Variants in MED27 observed in about 807,000 individuals in gnomAD.
MED27 encodes the protein mediator of RNA polymerase II transcription subunit 27.
Under a neutral mutation model 38.2 loss-of-function variants are expected in MED27, and 30 were observed. The observed-to-expected ratio is 0.79, with a 90% confidence interval of 0.59 to 1.07. The LOEUF is 1.07. MED27 is among the 50% of genes least tolerant of loss of function. MED27 has a pLI of 0.00. For missense variants in MED27, 289 were observed against 397.5 expected, an observed-to-expected ratio of 0.73 and a Z score of 2.32; for synonymous variants, 122 against 153.5, an observed-to-expected ratio of 0.79 and a Z score of 1.52.
At chr9:131,973,167 C>G (rs1831518935) in intron 3 of MED27, among the ~76,000 whole-genome samples, 1 of 152,166 alleles carries the variant, frequency 6.6e-6, no homozygotes, top group Non-Finnish European at 1.5e-5. Context: ...TTTTAACTTT[C>G]TAGTACACTT....
At chr9:131,875,621 A>C (rs1163124724) in intron 6 of MED27, among the ~76,000 whole-genome samples, 1 of 152,160 alleles carries the variant, frequency 6.6e-6, no homozygotes, top group Non-Finnish European at 1.5e-5. Flanking sequence ...CAAGACATTC[A>C]CCTTACACTT....
chr9:131,902,539 C>T (rs897310420), intron 4 of MED27, among the ~76,000 whole-genome samples: 9 of 152,022 alleles, frequency 5.9e-5, no homozygotes, highest in African/African-American at 1.9e-4. Context: ...GAAAACGGAG[C>T]GATGTGACTT....
intron 2 of MED27, among the ~76,000 whole-genome samples, chr9:132,036,186 G>A (rs566433184): frequency 6.6e-6 from 1 of 152,080 alleles, no homozygotes; most frequent in African/African-American, 2.4e-5. Context: ...AGGTCTTTTG[G>A]TTTATATGTA....
intron 2 of MED27, among the ~76,000 whole-genome samples, chr9:132,048,811 G>C (rs1187538280): frequency 1.3e-5 from 2 of 152,200 alleles, no homozygotes; most frequent in Admixed American, 1.3e-4. Flanking sequence ...TTCATGGTAG[G>C]ATTTCCGTGG....
intron 3 of MED27, among the ~76,000 whole-genome samples, chr9:132,006,556 A>T (rs1211616292): frequency 6.6e-6 from 1 of 152,210 alleles, no homozygotes; most frequent in Admixed American, 6.5e-5. Flanking sequence ...CTGCAAGGAC[A>T]CATGCTCACA....
chr9:132,068,201 C>T (rs991632499), intron 2 of MED27, among the ~76,000 whole-genome samples: 1 of 152,116 alleles, frequency 6.6e-6, no homozygotes, highest in Non-Finnish European at 1.5e-5. Flanking sequence ...GGGCCACACA[C>T]TCGCATGCAG....
intron 6 of MED27, among the ~76,000 whole-genome samples, chr9:131,873,435 G>A (rs1340125752): frequency 2.6e-5 from 4 of 152,214 alleles, no homozygotes; most frequent in Non-Finnish European, 5.9e-5. Flanking sequence ...GGGGATGAAA[G>A]TACAGTAGAG....
intron 6 of MED27, among the ~76,000 whole-genome samples, chr9:131,877,295 G>A (rs1838953223): frequency 6.6e-6 from 1 of 152,224 alleles, no homozygotes; most frequent in Non-Finnish European, 1.5e-5. Context: ...GCTGGGCACA[G>A]TGGCTCACGT....
At chr9:131,988,864 T>C (rs547269816) in intron 3 of MED27, among the ~76,000 whole-genome samples, 28 of 118,884 alleles carry the variant, frequency 2.4e-4, no homozygotes, top group Non-Finnish European at 4.6e-4. Flanking sequence ...AAGTTAAAAG[T>C]TACATGTGGA....
intron 2 of MED27, among the ~76,000 whole-genome samples, chr9:132,064,581 G>C (rs564125099): frequency 7.9e-5 from 12 of 152,272 alleles, no homozygotes; most frequent in African/African-American, 2.6e-4. Flanking sequence ...CCCTTAAAGA[G>C]AGCACAGCCT....
intron 2 of MED27, among the ~76,000 whole-genome samples, chr9:132,042,595 G>A (rs1435268111): frequency 6.6e-6 from 1 of 152,156 alleles, no homozygotes; most frequent in Admixed American, 6.6e-5. Context: ...AGCACTGAAG[G>A]AAATGCCAAG....
chr9:132,027,013 T>C (rs1029417325), intron 2 of MED27, among the ~76,000 whole-genome samples: 2 of 152,174 alleles, frequency 1.3e-5, no homozygotes, highest in Admixed American at 6.5e-5. Context: ...CTCAACTGCC[T>C]CTCCAGGACT....
At chr9:132,049,361 T>C (rs1833412225) in intron 2 of MED27, among the ~76,000 whole-genome samples, 1 of 152,178 alleles carries the variant, frequency 6.6e-6, no homozygotes, top group African/African-American at 2.4e-5. Flanking sequence ...TACTTAATCC[T>C]GGTGTGGCCC....
intron 2 of MED27, among the ~76,000 whole-genome samples, chr9:132,075,784 T>C (rs1489203409): frequency 1.3e-5 from 2 of 152,216 alleles, no homozygotes; most frequent in Admixed American, 1.3e-4. Flanking sequence ...TCAACATGGC[T>C]TCCTTTTCCA....
In MED27 at chr9:132,072,125, C is replaced by A. The variant is rs547958451; in HGVS notation, c.348+5317G>T. Among the ~76,000 whole-genome samples, 6 of 152,310 alleles carry A rather than the reference C, an allele frequency of 3.9e-5. No individual in the cohort carries two copies. The East Asian group carries it at 5.8e-4, about 15-fold the overall frequency. ...AACACGCACTCCATGAGTACACATG[C>A]GTACAAGTAACACACGTTCCATAAA... On this transcript the variant is annotated intron_variant, in intron 2 of 7. Transcript: ENST00000292035.
intron 3 of MED27, among the ~76,000 whole-genome samples, chr9:131,944,528 G>T (rs1453495899): frequency 7.0e-6 from 1 of 142,828 alleles, no homozygotes; most frequent in Admixed American, 7.2e-5. Flanking sequence ...GTGGTTTTTA[G>T]TCTTTTTTTT....
intron 4 of MED27, among the ~76,000 whole-genome samples, chr9:131,925,842 T>A (rs949219733): frequency 6.6e-6 from 1 of 152,172 alleles, no homozygotes; most frequent in African/African-American, 2.4e-5. Flanking sequence ...CCTGGTCCAG[T>A]TCTATGTTCA....
In MED27 at chr9:131,889,562, A is replaced by G. The variant is rs1037275365; in HGVS notation, c.681+4323T>C. ...TTTATTTTATTAGAGGAATCAGGCTATTGGTCCTTGGTATCAAAAATATGC... is the reference window on the plus strand; with the variant it reads ...TTTATTTTATTAGAGGAATCAGGCTGTTGGTCCTTGGTATCAAAAATATGC... On this transcript the variant is annotated intron_variant, in intron 5 of 7. Transcript: ENST00000292035. The surrounding 1 kb of genome is among the most constrained non-coding windows in gnomAD (Gnocchi z 4.2). Among the ~76,000 whole-genome samples, 1 of 152,184 alleles carries G rather than the reference A, an allele frequency of 6.6e-6. No individual in the cohort carries two copies. The highest frequency in any genetic ancestry group is 2.4e-5 in the African/African-American group (1 of 41,454).
chr9:131,901,498 G>C (rs1396697494), intron 4 of MED27, among the ~76,000 whole-genome samples: 2 of 152,164 alleles, frequency 1.3e-5, no homozygotes, highest in African/African-American at 4.8e-5. Flanking sequence ...GGCACCTAAA[G>C]TGCTCTGCCA....
Sources: gnomAD v4.1 joint callset for allele counts (sites outside exome capture counted in the v4.1 genomes callset) on GRCh38, gnomAD v4.1.1 for gene constraint, Gnocchi (gnomAD v3.1) non-coding constraint, MANE v1.5 for transcripts, NCBI Gene and HGNC (gene_info 2026-07-23, HGNC 2026-07-21) for gene names.